MTUS2: variants seen among roughly 807,000 people sequenced by gnomAD.
The protein encoded by MTUS2 is microtubule-associated tumor suppressor candidate 2.
Under a neutral mutation model 114.1 loss-of-function variants are expected in MTUS2, and 40 were observed. That is an observed-to-expected ratio of 0.35 (90% CI 0.27 to 0.46). MTUS2 has a LOEUF of 0.46. Ranked by LOEUF, MTUS2 falls within the 20% of genes least tolerant of loss-of-function variation. The pLI is 1.00. For missense variants in MTUS2, 1,679 were observed against 1,705.4 expected (o/e 0.98, Z 0.27); for synonymous variants, 688 against 672.0 (o/e 1.02, Z -0.37).
chr13:29,059,797 A>T (rs2138640090), intron 4 of MTUS2, among the ~76,000 whole-genome samples: 1 of 152,366 alleles, frequency 6.6e-6, no homozygotes, highest in Non-Finnish European at 1.5e-5. Flanking sequence ...AAGTTCAGAC[A>T]GAAGTGGGAC....
At chr13:29,385,497 C>G (rs375872691) in intron 8 of MTUS2, among the ~76,000 whole-genome samples, 119 of 152,258 alleles carry the variant, frequency 7.8e-4, no homozygotes, top group Admixed American at 3.7e-3. Flanking sequence ...CTTCCTCTAC[C>G]CTTCAGAAAG....
chr13:29,366,017 A>G (rs570548492), intron 8 of MTUS2, among the ~76,000 whole-genome samples: 33 of 152,236 alleles, frequency 2.2e-4, no homozygotes, highest in African/African-American at 7.7e-4. Context: ...TATAAAATGG[A>G]GTTACTAAGG....
chr13:29,392,384 G>A (rs1278093838), intron 8 of MTUS2, among the ~76,000 whole-genome samples: 1 of 152,072 alleles, frequency 6.6e-6, no homozygotes, highest in Non-Finnish European at 1.5e-5. Flanking sequence ...GGTTTGTTCA[G>A]TTGCAGCACG....
intron 8 of MTUS2, among the ~76,000 whole-genome samples, chr13:29,410,924 C>T (rs553089666): frequency 9.2e-5 from 14 of 152,088 alleles, no homozygotes; most frequent in Admixed American, 2.0e-4. Flanking sequence ...CTCTGCCTCC[C>T]GGGTTCAAGC....
intron 5 of MTUS2, among the ~76,000 whole-genome samples, chr13:29,247,809 A>T (rs1185214824): frequency 1.3e-5 from 2 of 152,236 alleles, no homozygotes; most frequent in Non-Finnish European, 1.5e-5. Flanking sequence ...TGGGAATGTA[A>T]ACTAGTACAC....
At chr13:29,348,043 T>C (rs1868882433) in intron 7 of MTUS2, among the ~76,000 whole-genome samples, 2 of 150,764 alleles carry the variant, frequency 1.3e-5, no homozygotes, top group Admixed American at 6.6e-5. Context: ...CCAGAAGCCC[T>C]CTGAATCCTA....
At chr13:29,488,881 G>T (rs1028980247) in intron 11 of MTUS2, among the ~76,000 whole-genome samples, 3 of 152,164 alleles carry the variant, frequency 2.0e-5, no homozygotes, top group Non-Finnish European at 4.4e-5. Flanking sequence ...ATTTTCCTTT[G>T]TGAAAGAGGC....
At chr13:29,365,878 C>G (rs1019941316) in intron 8 of MTUS2, among the ~76,000 whole-genome samples, 1 of 152,170 alleles carries the variant, frequency 6.6e-6, no homozygotes, top group African/African-American at 2.4e-5. Flanking sequence ...TCCAACTAAA[C>G]ACAAGTCAAA....
At chr13:29,013,817 AG>A (rs1282806706) in intron 2 of MTUS2, among the ~76,000 whole-genome samples, 3 of 152,236 alleles carry the variant, frequency 2.0e-5, no homozygotes, top group African/African-American at 7.2e-5. Flanking sequence ...CCTACATTGC[AG>A]GAAGACGCAA....
intron 2 of MTUS2, among the ~76,000 whole-genome samples, chr13:28,983,251 A>G (rs1884438069): frequency 6.6e-6 from 1 of 152,052 alleles, no homozygotes; most frequent in African/African-American, 2.4e-5. Flanking sequence ...CTTCTCTCAT[A>G]TGCCATCACT....
intron 5 of MTUS2, among the ~76,000 whole-genome samples, chr13:29,276,032 A>G (rs185146621): frequency 8.9e-4 from 135 of 152,312 alleles, no homozygotes; most frequent in Non-Finnish European, 3.5e-4. Context: ...ATTTAGGTCT[A>G]AGATCTATTT....
At chr13:29,196,003 A>G (rs919412551) in intron 5 of MTUS2, among the ~76,000 whole-genome samples, 6 of 152,200 alleles carry the variant, frequency 3.9e-5, no homozygotes, top group Non-Finnish European at 8.8e-5. Context: ...CACCCTGGCA[A>G]CATTGGGGAG....
intron 2 of MTUS2, among the ~76,000 whole-genome samples, chr13:28,850,364 T>C (rs1951531031): frequency 6.6e-6 from 1 of 151,620 alleles, no homozygotes; most frequent in African/African-American, 2.4e-5. Context: ...TGTGTGTCTC[T>C]TGTTGTGCTC....
At chr13:29,160,729 C>CA (rs1893058691) in intron 5 of MTUS2, among the ~76,000 whole-genome samples, 1 of 150,822 alleles carries the variant, frequency 6.6e-6, no homozygotes, top group Non-Finnish European at 1.5e-5. Context: ...GAGACTGGGC[C>CA]ACTGTACTCC....
chr13:29,288,847 T>C (rs1354092420), intron 6 of MTUS2, among the ~76,000 whole-genome samples: 1 of 152,112 alleles, frequency 6.6e-6, no homozygotes, highest in African/African-American at 2.4e-5. Flanking sequence ...CATCACAGAG[T>C]AGCACCTACA....
At position 29,230,687 on chromosome 13, in the gene MTUS2, G is replaced by T. The variant is rs77312187; in HGVS notation, c.2645-51017G>T. ...TTATTTTCACAAACTTTGAAATCAG[G>T]TAACTTTGGAAGAGTTAAGGCTTCA... On this transcript the variant is annotated intron_variant, in intron 5 of 15. Transcript: ENST00000612955. Among the ~76,000 whole-genome samples the T allele has an allele frequency of 1.1e-3, 168 of 152,320 alleles. 2 individuals are homozygous for T. The highest frequency in any genetic ancestry group is 3.7e-3 in the African/African-American group (154 of 41,580).
chr13:29,408,663 G>T (rs910427510), intron 8 of MTUS2, among the ~76,000 whole-genome samples: 4 of 152,010 alleles, frequency 2.6e-5, no homozygotes, highest in African/African-American at 9.7e-5. Context: ...TTGTTATGGG[G>T]TGAGGTAAAT....
intron 5 of MTUS2, among the ~76,000 whole-genome samples, chr13:29,254,915 A>C (rs1041926147): frequency 7.2e-5 from 11 of 151,988 alleles, no homozygotes; most frequent in Admixed American, 5.2e-4. Context: ...TTGCTTTCTC[A>C]TTCTTCCCTC....
At chr13:29,015,983 C>T (rs984067185) in intron 2 of MTUS2, among the ~76,000 whole-genome samples, 2 of 152,142 alleles carry the variant, frequency 1.3e-5, no homozygotes, top group Non-Finnish European at 2.9e-5. Flanking sequence ...CGGCCCAGTG[C>T]AACCTCCGCC....
Sources: gnomAD v4.1 joint callset for allele counts (sites outside exome capture counted in the v4.1 genomes callset) on GRCh38, gnomAD v4.1.1 for gene constraint, MANE v1.5 for transcripts, NCBI Gene and HGNC (gene_info 2026-07-23, HGNC 2026-07-21) for gene names.